FHIT: variants seen among roughly 807,000 people sequenced by gnomAD.
FHIT encodes fragile histidine triad diadenosine triphosphatase.
FHIT carries 19 observed loss-of-function variants against 17.9 expected under a neutral mutation model. The ratio of observed to expected loss-of-function variants is 1.06; its 90% CI spans 0.74 to 1.56. The LOEUF (loss-of-function observed/expected upper bound fraction) is 1.56, where lower values mean the gene tolerates loss of function less well. FHIT is among the 40% of genes most tolerant of loss of function. The pLI is 0.00. For synonymous variants in FHIT, 81 were observed against 69.7 expected (o/e 1.16, Z -0.81); for missense variants, 248 against 189.2 (o/e 1.31, Z -1.82).
intron 4 of FHIT, among the ~76,000 whole-genome samples, chr3:60,818,292 T>G (rs556439243): frequency 6.6e-6 from 1 of 152,186 alleles, no homozygotes; most frequent in Non-Finnish European, 1.5e-5. Flanking sequence ...GGTTTCCATA[T>G]AGCGTGTAAT....
intron 5 of FHIT, among the ~76,000 whole-genome samples, chr3:60,309,006 T>C (rs910616391): frequency 6.6e-6 from 1 of 152,124 alleles, no homozygotes; most frequent in African/African-American, 2.4e-5. Context: ...TTTTAAGATA[T>C]CCACTTTCTA....
chr3:60,573,470 G>A (rs919318766), intron 4 of FHIT, among the ~76,000 whole-genome samples: 1 of 152,170 alleles, frequency 6.6e-6, no homozygotes, highest in Admixed American at 6.5e-5. Flanking sequence ...CTCAAGTGCT[G>A]TGAAAATCTT....
intron 4 of FHIT, among the ~76,000 whole-genome samples, chr3:60,619,788 G>T (rs1446875184): frequency 6.6e-6 from 1 of 151,966 alleles, no homozygotes; most frequent in African/African-American, 2.4e-5. Context: ...AATACCAAAG[G>T]TGCAATCCAT....
chr3:59,819,134 G>A (rs1042076217), intron 8 of FHIT, among the ~76,000 whole-genome samples: 3 of 151,984 alleles, frequency 2.0e-5, no homozygotes, highest in African/African-American at 7.3e-5. Flanking sequence ...ATCTTTTATC[G>A]GATACAACTT....
chr3:60,274,937 A>T (rs962662215), intron 5 of FHIT, among the ~76,000 whole-genome samples: 5 of 152,218 alleles, frequency 3.3e-5, no homozygotes, highest in Non-Finnish European at 7.3e-5. Context: ...TTTCATTCCC[A>T]AACAGAATTA....
At position 60,583,042 on chromosome 3, in the gene FHIT, C is replaced by G. The variant is rs115650287; in HGVS notation, c.-17-46063G>C. 1.1e-3 allele frequency among the ~76,000 whole-genome samples: 161 copies of G among 151,746 alleles called. 1 individual carries two copies. Among genetic ancestry groups the G allele is most frequent in the African/African-American group, 3.7e-3 (155 of 41,438 alleles). ...AGTGAGAAGCAACATGGTCCCTATG[C>G]GTAAGACAAGCGTCTAAATCAGAAC... On this transcript the variant is annotated intron_variant, in intron 4 of 9. Coordinates refer to ENST00000492590, the MANE Select transcript of FHIT (RefSeq NM_002012.4).
chr3:60,712,433 C>T (rs1553705399), intron 4 of FHIT, among the ~76,000 whole-genome samples: 1 of 151,734 alleles, frequency 6.6e-6, no homozygotes, highest in Non-Finnish European at 1.5e-5. Flanking sequence ...ACAATATTAA[C>T]TATAAATGTA....
intron 3 of FHIT, among the ~76,000 whole-genome samples, chr3:60,980,925 T>A (rs894283774): frequency 6.6e-6 from 1 of 152,196 alleles, no homozygotes; most frequent in Non-Finnish European, 1.5e-5. Context: ...CCCCCCTATT[T>A]TAGCAATTCC....
intron 5 of FHIT, among the ~76,000 whole-genome samples, chr3:60,162,862 T>C (rs957724560): frequency 3.9e-5 from 6 of 152,290 alleles, no homozygotes; most frequent in Admixed American, 2.6e-4. Flanking sequence ...ATTGGAATTT[T>C]TGACTAAGGT....
rs116468275 is a variant in FHIT at position 60,485,153 on chromosome 3, A to G, written c.103+51707T>C. On this transcript the variant is annotated intron_variant, in intron 5 of 9. Coordinates refer to ENST00000492590, the MANE Select transcript of FHIT (RefSeq NM_002012.4). ...GTGAGTACTGAAAAACCAAGAAACA[A>G]CAGATGCTGGTGAGGCTGTGGAGAA... 9.8e-3 allele frequency among the ~76,000 whole-genome samples: 1,486 copies of G among 152,244 alleles called. 27 individuals are homozygous for G. Among genetic ancestry groups the G allele is most frequent in the African/African-American group, 0.031 (1,294 of 41,538 alleles).
At chr3:61,210,440 G>A (rs536297289) in intron 1 of FHIT, among the ~76,000 whole-genome samples, 1 of 152,360 alleles carries the variant, frequency 6.6e-6, no homozygotes, top group African/African-American at 2.4e-5. Flanking sequence ...TCCTTGAGCT[G>A]TGGTGGGATC....
At chr3:60,217,588 G>A (rs1703756668) in intron 5 of FHIT, among the ~76,000 whole-genome samples, 1 of 152,072 alleles carries the variant, frequency 6.6e-6, no homozygotes, top group Non-Finnish European at 1.5e-5. Flanking sequence ...CTTCCTTGTA[G>A]AATAAAACCT....
At chr3:61,126,248 A>G (rs1443742466) in intron 2 of FHIT, among the ~76,000 whole-genome samples, 2 of 141,408 alleles carry the variant, frequency 1.4e-5, no homozygotes, top group Admixed American at 6.9e-5. Flanking sequence ...ACAGAAAACA[A>G]AAGTAAAAAA....
intron 8 of FHIT, among the ~76,000 whole-genome samples, chr3:59,773,720 G>A (rs557971465): frequency 7.3e-4 from 111 of 152,100 alleles, no homozygotes; most frequent in Non-Finnish European, 1.4e-3. Flanking sequence ...GTGGACTGCA[G>A]ACCAACATCA....
At chr3:60,612,785 C>T (rs2107735090) in intron 4 of FHIT, among the ~76,000 whole-genome samples, 1 of 152,316 alleles carries the variant, frequency 6.6e-6, no homozygotes, top group Admixed American at 6.5e-5. Flanking sequence ...GCCACACAGA[C>T]CACCACTCCC....
At chr3:61,206,445 C>A (rs2039234599) in intron 1 of FHIT, among the ~76,000 whole-genome samples, 1 of 151,744 alleles carries the variant, frequency 6.6e-6, no homozygotes, top group South Asian at 2.1e-4. Context: ...TCTTCCTACC[C>A]ATGGGCATGG....
At chr3:61,202,291 G>A (rs563680487) in intron 1 of FHIT, among the ~76,000 whole-genome samples, 5 of 150,018 alleles carry the variant, frequency 3.3e-5, no homozygotes, top group Admixed American at 6.6e-5. Flanking sequence ...CTGCCTGGCC[G>A]CTGCCCTGTC....
chr3:60,909,130 G>T (rs890955372), intron 3 of FHIT, among the ~76,000 whole-genome samples: 1 of 152,040 alleles, frequency 6.6e-6, no homozygotes, highest in Non-Finnish European at 1.5e-5. Context: ...CAGCACTTTG[G>T]GAGGCTGAGA....
At chr3:60,561,341 T>G (rs1207554764) in intron 4 of FHIT, among the ~76,000 whole-genome samples, 1 of 152,076 alleles carries the variant, frequency 6.6e-6, no homozygotes, top group Non-Finnish European at 1.5e-5. Flanking sequence ...CAAGACACAC[T>G]CAACAAATTT....
Sources: allele counts gnomAD v4.1 joint callset (sites outside exome capture counted in the v4.1 genomes callset), GRCh38; gene constraint gnomAD v4.1.1; transcripts MANE v1.5; gene names NCBI Gene and HGNC (gene_info 2026-07-23, HGNC 2026-07-21).